The following ZRANB1 variants were observed in gnomAD, a reference collection of about 807,000 sequenced individuals.
ZRANB1 encodes the protein zinc finger RANBP2-type containing 1, also known as ubiquitin thioesterase ZRANB1.
Under a neutral mutation model 80.5 loss-of-function variants are expected in ZRANB1, and 16 were observed. That is an observed-to-expected ratio of 0.20 (90% CI 0.13 to 0.30). ZRANB1 has a LOEUF of 0.30. ZRANB1 is among the 10% of genes least tolerant of loss of function. The pLI is 1.00. For missense variants in ZRANB1, 576 were observed against 862.6 expected (o/e 0.67, Z 4.16); for synonymous variants, 291 against 293.1 (o/e 0.99, Z 0.07).
At chr10:124,929,327 C>A in the ZRANB1 span, among the ~76,000 whole-genome samples, 1 of 151,634 alleles carries the variant, frequency 6.6e-6, no homozygotes, top group Non-Finnish European at 1.5e-5. Flanking sequence ...TTTCACCTCT[C>A]CTGAAGGCAC....
At chr10:124,930,553 A>G in the ZRANB1 span, among the ~76,000 whole-genome samples, 21 of 152,352 alleles carry the variant, frequency 1.4e-4, no homozygotes, top group Non-Finnish European at 2.5e-4. Flanking sequence ...GGCATGAGCC[A>G]CGGTACCTGA....
chr10:124,979,747 G>A (rs1951916453), intron 5 of ZRANB1, among the ~76,000 whole-genome samples: 1 of 152,106 alleles, frequency 6.6e-6, no homozygotes, highest in South Asian at 2.1e-4. Flanking sequence ...TGGATACCCA[G>A]TTGTTTCGGT....
At chr10:124,917,570 A>G in the ZRANB1 span, among the ~76,000 whole-genome samples, 1 of 152,088 alleles carries the variant, frequency 6.6e-6, no homozygotes, top group South Asian at 2.1e-4. Flanking sequence ...CTTCCGCCAG[A>G]TTTCCCCACA....
intron 1 of ZRANB1, among the ~76,000 whole-genome samples, chr10:124,960,637 C>G (rs1171735209): frequency 4.6e-5 from 7 of 152,100 alleles, no homozygotes; most frequent in Non-Finnish European, 1.0e-4. Context: ...CCAGGCTGGT[C>G]TTGAAATCCT....
the ZRANB1 span, among the ~76,000 whole-genome samples, chr10:124,929,440 A>T: frequency 8.6e-5 from 13 of 151,630 alleles, no homozygotes; most frequent in African/African-American, 3.1e-4. Context: ...TATTCAAGCA[A>T]TTCTCCTGCC....
intron 1 of ZRANB1, among the ~76,000 whole-genome samples, chr10:124,960,914 G>T (rs1037729624): frequency 6.6e-6 from 1 of 152,050 alleles, no homozygotes; most frequent in Non-Finnish European, 1.5e-5. Flanking sequence ...ACCTTTGGAT[G>T]TGATTTCAGT....
chr10:124,940,407 A>G, upstream of ZRANB1: 3 of 841,028 alleles, frequency 3.6e-6, no homozygotes, highest in Non-Finnish European at 5.0e-6. Flanking sequence ...ACCACTTATC[A>G]CGTTTTGCAG....
chr10:124,966,534 G>C (rs1951778069), intron 1 of ZRANB1, 60 bp from the exon 2 acceptor site: 4 of 1,542,612 alleles, frequency 2.6e-6, no homozygotes, highest in Non-Finnish European at 3.6e-6. Flanking sequence ...GATTGCTACG[G>C]TTTGTGTTTT....
In ZRANB1 at chr10:124,978,635, T is replaced by C. The variant is rs79773654; in HGVS notation, c.1428-3074T>C. ...AAGTCTTTTAGAATTATTCCTTTTT[T>C]TCTTTTTGGAGACAGGGTCTTGGTC... is the stretch of plus-strand genomic sequence containing the variant. On this transcript the variant is annotated intron_variant, in intron 5 of 8. Coordinates refer to ENST00000359653, the MANE Select transcript of ZRANB1 (RefSeq NM_017580.3). 5.8e-3 allele frequency among the ~76,000 whole-genome samples: 890 copies of C among 152,210 alleles called. 7 individuals carry two copies. Among genetic ancestry groups the C allele is most frequent in the African/African-American group, 0.018 (740 of 41,534 alleles).
At chr10:124,941,926 A>G (rs1951539281), upstream of ZRANB1, among the ~76,000 whole-genome samples, 1 of 152,248 alleles carries the variant, frequency 6.6e-6, no homozygotes, top group Non-Finnish European at 1.5e-5. Context: ...AATTAAGAAC[A>G]GTGGATAATT....
upstream of ZRANB1, among the ~76,000 whole-genome samples, chr10:124,938,638 T>C (rs1951508617): frequency 6.6e-6 from 1 of 152,144 alleles, no homozygotes; most frequent in African/African-American, 2.4e-5. Flanking sequence ...GAATTTTACC[T>C]TGCAGTTACT....
the ZRANB1 span, among the ~76,000 whole-genome samples, chr10:124,926,254 T>C: frequency 6.6e-6 from 1 of 152,214 alleles, no homozygotes; most frequent in South Asian, 2.1e-4. Context: ...CTAAGTTTAT[T>C]TAAAAAATTT....
In ZRANB1 at chr10:124,942,578, G is replaced by A; in HGVS notation, c.85G>A (p.Ala29Thr). ...TGCAATCAAGTGTACTATGTGTCGT[G>A]CCCAAAGACCTAGTGGAACAATTAT... is the stretch of plus-strand genomic sequence containing the variant. ...PSAIKCTMCRAQRPSGTIITE... is the reference protein window; with the variant it reads ...PSAIKCTMCRTQRPSGTIITE... The change falls in exon 1 of 9, where the codon GCC (alanine) becomes ACC (threonine). Residue 29 changes from alanine (A) to threonine (T), a missense_variant. Ala to Thr is a moderately conservative substitution (Grantham distance 58). This residue lies in a region of ZRANB1 where 411 missense variants were observed against 583.1 expected (regional missense o/e 0.70). Coordinates refer to ENST00000359653, the MANE Select transcript of ZRANB1 (RefSeq NM_017580.3). 1 of 1,614,128 alleles carries A rather than the reference G, an allele frequency of 6.2e-7. No homozygotes were observed. Among genetic ancestry groups the A allele is most frequent in the Non-Finnish European group, 8.5e-7 (1 of 1,180,028 alleles).
At chr10:124,925,781 G>A in the ZRANB1 span, among the ~76,000 whole-genome samples, 145,112 of 152,280 alleles carry the variant, frequency 0.95, 69,324 homozygotes, top group Non-Finnish European at 0.99. Context: ...GTGGCTGTCT[G>A]GTTATCCCTG....
chr10:124,920,467 G>A, the ZRANB1 span, among the ~76,000 whole-genome samples: 3 of 152,248 alleles, frequency 2.0e-5, no homozygotes, highest in South Asian at 6.2e-4. Flanking sequence ...GCTTCTTGGT[G>A]TGGTGTTCAA....
Position 124,959,460 on chromosome 10 carries a change from CT to C in ZRANB1, c.815-7121del, listed in dbSNP as rs771950131. 3.1e-3 allele frequency among the ~76,000 whole-genome samples: 450 copies of C among 145,218 alleles called. 3 individuals carry two copies. The highest frequency in any genetic ancestry group is 0.02 in the Admixed American group (284 of 14,492). On this transcript the variant is annotated intron_variant, in intron 1 of 8. Coordinates refer to ENST00000359653, the MANE Select transcript of ZRANB1 (RefSeq NM_017580.3). ...CTGTTAACCTGAGGGCAGTGGTAAA[CT>C]TTTTTTTTTTTTCCCCCTGAGATGA...
intron 1 of ZRANB1, among the ~76,000 whole-genome samples, chr10:124,952,444 A>C (rs1951647665): frequency 6.6e-6 from 1 of 152,208 alleles, no homozygotes; most frequent in South Asian, 2.1e-4. Context: ...ATGAAGGAGC[A>C]CAGCCTTCCC....
intron 5 of ZRANB1, among the ~76,000 whole-genome samples, chr10:124,978,283 A>G (rs922288160): frequency 6.6e-6 from 1 of 152,188 alleles, no homozygotes. Context: ...TAGCTTGTGT[A>G]GTCTCCTTTT....
chr10:124,921,446 A>G, the ZRANB1 span, among the ~76,000 whole-genome samples: 2 of 152,226 alleles, frequency 1.3e-5, no homozygotes, highest in Non-Finnish European at 2.9e-5. Flanking sequence ...ATTATGTAGT[A>G]CATAGGTGAA....
Sources: allele counts gnomAD v4.1 joint callset (sites outside exome capture counted in the v4.1 genomes callset), GRCh38; gene constraint gnomAD v4.1.1; regional missense constraint gnomAD v4.1.1; transcripts MANE v1.5; gene names NCBI Gene and HGNC (gene_info 2026-07-23, HGNC 2026-07-21).